RABGAP1L: variants seen among roughly 807,000 people sequenced by gnomAD.
RABGAP1L encodes RAB GTPase activating protein 1 like.
RABGAP1L carries 63 observed loss-of-function variants against 137.7 expected under a neutral mutation model. The observed-to-expected ratio is 0.46, with a 90% CI of 0.37 to 0.56. The LOEUF (loss-of-function observed/expected upper bound fraction) is 0.56. Ranked by LOEUF, RABGAP1L falls within the 20% of genes least tolerant of loss-of-function variation. RABGAP1L has a pLI of 0.00. For synonymous variants in RABGAP1L, 431 were observed against 433.7 expected, an observed-to-expected ratio of 0.99 and a Z score of 0.08; for missense variants, 1,095 against 1,244.0, an observed-to-expected ratio of 0.88 and a Z score of 1.80.
chr1:174,875,400 G>A (rs1652915116), intron 19 of RABGAP1L: 4 of 295,148 alleles, frequency 1.4e-5, no homozygotes, highest in South Asian at 1.3e-4. Context: ...CTCTCCCAGG[G>A]TGCATAGGCG....
chr1:174,302,584 G>A (rs1349370263), intron 10 of RABGAP1L, among the ~76,000 whole-genome samples: 2 of 152,192 alleles, frequency 1.3e-5, no homozygotes, highest in Non-Finnish European at 2.9e-5. Flanking sequence ...TCAGGCAAGA[G>A]ATAGTTTGGA....
intron 18 of RABGAP1L, among the ~76,000 whole-genome samples, chr1:174,765,924 G>A (rs569319526): frequency 6.6e-6 from 1 of 152,190 alleles, no homozygotes; most frequent in Admixed American, 6.5e-5. Context: ...TGGCTGAATC[G>A]TGTTTCCCCC....
chr1:174,985,933 CCTTTCTTTTTTT>C (rs1395238002), intron 24 of RABGAP1L, among the ~76,000 whole-genome samples: 2 of 151,968 alleles, frequency 1.3e-5, no homozygotes, highest in Non-Finnish European at 2.9e-5. Flanking sequence ...ACCAATCCTT[CCTTTCTTTTTTT>C]CTTTTTTTTT....
At chr1:174,907,698 A>G (rs1370901521) in intron 19 of RABGAP1L, among the ~76,000 whole-genome samples, 1 of 152,186 alleles carries the variant, frequency 6.6e-6, no homozygotes, top group Non-Finnish European at 1.5e-5. Context: ...CAAAAAACCT[A>G]TAATAGATTC....
intron 1 of RABGAP1L, among the ~76,000 whole-genome samples, chr1:174,207,052 T>A (rs1291182670): frequency 1.3e-5 from 2 of 152,188 alleles, no homozygotes; most frequent in Non-Finnish European, 2.9e-5. Context: ...TACCAGATTT[T>A]CTATAATGCT....
chr1:174,378,236 C>A (rs1217073729), intron 12 of RABGAP1L, among the ~76,000 whole-genome samples: 1 of 151,228 alleles, frequency 6.6e-6, no homozygotes, highest in African/African-American at 2.4e-5. Context: ...AATAATGCCG[C>A]AATAAACATA....
At chr1:174,586,995 G>A (rs971765525) in intron 13 of RABGAP1L, among the ~76,000 whole-genome samples, 29 of 151,928 alleles carry the variant, frequency 1.9e-4, no homozygotes, top group Admixed American at 1.4e-3. Context: ...GAGAATATGC[G>A]GTGTTTGGTT....
chr1:174,508,886 G>A lies in RABGAP1L; in HGVS notation c.1710+114741G>A, dbSNP rs1372403584. ...TGTTTCTGTATAATAAGCAAGTCCTGTTGTGTTCATTTAGCTAGAAATGAA... is the reference window on the plus strand; with the variant it reads ...TGTTTCTGTATAATAAGCAAGTCCTATTGTGTTCATTTAGCTAGAAATGAA... On this transcript the variant is annotated intron_variant, in intron 13 of 25. Transcript: ENST00000681986. Among the ~76,000 whole-genome samples, 4 of 151,988 alleles carry A rather than the reference G, an allele frequency of 2.6e-5. No individual in the cohort carries two copies. The East Asian group carries it at 7.7e-4, about 29-fold the overall frequency.
At chr1:174,348,231 T>C (rs550526811) in intron 11 of RABGAP1L, among the ~76,000 whole-genome samples, 14 of 150,818 alleles carry the variant, frequency 9.3e-5, no homozygotes, top group Non-Finnish European at 1.9e-4. Flanking sequence ...TATTTTAAAC[T>C]GATGACAGCT....
intron 13 of RABGAP1L, among the ~76,000 whole-genome samples, chr1:174,568,031 C>T (rs527683203): frequency 2.2e-4 from 33 of 152,144 alleles, no homozygotes; most frequent in African/African-American, 6.5e-4. Flanking sequence ...AAAGAAAGTA[C>T]GTTTATTTTG....
chr1:174,802,337 T>C (rs1323140710), intron 18 of RABGAP1L, among the ~76,000 whole-genome samples: 1 of 152,226 alleles, frequency 6.6e-6, no homozygotes, highest in Non-Finnish European at 1.5e-5. Context: ...CCAGATGCAG[T>C]GGCTCAAGCC....
At chr1:174,634,811 C>G (rs1224239357) in intron 13 of RABGAP1L, among the ~76,000 whole-genome samples, 1 of 145,412 alleles carries the variant, frequency 6.9e-6, no homozygotes, top group African/African-American at 2.7e-5. Flanking sequence ...CATATTCTCC[C>G]TCATAGGTGG....
chr1:174,506,198 GT>G (rs1661799733), intron 13 of RABGAP1L, among the ~76,000 whole-genome samples: 1 of 152,162 alleles, frequency 6.6e-6, no homozygotes, highest in African/African-American at 2.4e-5. Flanking sequence ...GGAGGAATAA[GT>G]TCAAGAGATC....
intron 11 of RABGAP1L, among the ~76,000 whole-genome samples, chr1:174,336,612 G>T (rs1681491126): frequency 6.6e-6 from 1 of 152,102 alleles, no homozygotes; most frequent in Non-Finnish European, 1.5e-5. Flanking sequence ...TTATAGGTCA[G>T]GGGTAGGGCC....
intron 1 of RABGAP1L, among the ~76,000 whole-genome samples, chr1:174,189,496 C>A (rs1015225926): frequency 5.3e-5 from 8 of 152,202 alleles, no homozygotes; most frequent in Admixed American, 5.2e-4. Context: ...CCTCGCTTAT[C>A]GTTTGAATAT....
intron 17 of RABGAP1L, among the ~76,000 whole-genome samples, chr1:174,725,772 T>TA (rs952679714): frequency 1.4e-4 from 21 of 152,210 alleles, no homozygotes; most frequent in African/African-American, 4.3e-4. Context: ...CTGAGGTTTT[T>TA]ATTGTGTTCT....
At chr1:174,741,855 C>CAAAAAAAA (rs775821774) in intron 17 of RABGAP1L, among the ~76,000 whole-genome samples, 1 of 41,896 alleles carries the variant, frequency 2.4e-5, no homozygotes, top group Non-Finnish European at 4.1e-5. Context: ...CCTATTTCTA[C>CAAAAAAAA]AAAAAAAAAA....
At chr1:174,168,689 T>C (rs924249111) in intron 1 of RABGAP1L, among the ~76,000 whole-genome samples, 2 of 152,202 alleles carry the variant, frequency 1.3e-5, no homozygotes, top group Admixed American at 6.5e-5. Context: ...TTAACACTAG[T>C]GTGAGATTCC....
chr1:174,601,224 C>G (rs751058633), intron 13 of RABGAP1L, among the ~76,000 whole-genome samples: 3 of 152,186 alleles, frequency 2.0e-5, no homozygotes, highest in African/African-American at 7.2e-5. Flanking sequence ...TGGGCCCAGC[C>G]CACAAAACTA....
Sources: allele counts gnomAD v4.1 joint callset (sites outside exome capture counted in the v4.1 genomes callset), GRCh38; gene constraint gnomAD v4.1.1; transcripts MANE v1.5; gene names NCBI Gene and HGNC (gene_info 2026-07-23, HGNC 2026-07-21).